The following KIF13B variants were observed in gnomAD, a reference collection of about 807,000 sequenced individuals.
KIF13B encodes kinesin-like protein KIF13B.
A neutral mutation model predicts 222.0 loss-of-function variants in KIF13B; 127 were observed. The ratio of observed to expected loss-of-function variants is 0.57; its 90% CI spans 0.50 to 0.66. The LOEUF is 0.66. Among genes scored for constraint, KIF13B ranks in the 30% least tolerant of loss-of-function variants. The pLI is 0.00. For synonymous variants in KIF13B, 976 were observed against 919.0 expected, an observed-to-expected ratio of 1.06 and a Z score of -1.12; for missense variants, 2,173 against 2,379.0, an observed-to-expected ratio of 0.91 and a Z score of 1.80.
rs189406805 is a variant in KIF13B at position 29,139,199 on chromosome 8, C to T, written c.2613+864G>A. On this transcript the variant is annotated intron_variant, in intron 21 of 39. Transcript: ENST00000524189. ...TCCATTAAAAAACATGGTATTTTAA[C>T]CTCATTTTAGGAAGCCCATATGACT... 8.7e-4 allele frequency among the ~76,000 whole-genome samples: 132 copies of T among 152,154 alleles called. 1 individual carries two copies. Among genetic ancestry groups the T allele is most frequent in the Middle Eastern group, 3.4e-3 (1 of 294 alleles).
At chr8:29,193,944 A>T (rs1437175892) in intron 3 of KIF13B, among the ~76,000 whole-genome samples, 1 of 149,968 alleles carries the variant, frequency 6.7e-6, no homozygotes, top group Non-Finnish European at 1.5e-5. Flanking sequence ...CAGCCTCCTG[A>T]GTAGCTGGGA....
At chr8:29,217,107 T>C (rs1814519497) in intron 2 of KIF13B, among the ~76,000 whole-genome samples, 1 of 152,206 alleles carries the variant, frequency 6.6e-6, no homozygotes, top group South Asian at 2.1e-4. Flanking sequence ...TAGTAGAGGA[T>C]ACGTGAACTA....
At chr8:29,155,633 C>A in intron 14 of KIF13B, 93 bp downstream of exon 14, 2 of 1,113,988 alleles carry the variant, frequency 1.8e-6, no homozygotes, top group Non-Finnish European at 2.6e-6. Flanking sequence ...TTAATGTGGT[C>A]AACTTAAAAG....
At chr8:29,103,139 G>A (rs1297685291) in intron 35 of KIF13B, among the ~76,000 whole-genome samples, 2 of 151,804 alleles carry the variant, frequency 1.3e-5, no homozygotes, top group Non-Finnish European at 2.9e-5. Context: ...CTACTCGGGA[G>A]GCTGAGGCAG....
intron 12 of KIF13B, among the ~76,000 whole-genome samples, chr8:29,165,045 G>C (rs1414589284): frequency 6.6e-6 from 1 of 152,082 alleles, no homozygotes; most frequent in East Asian, 1.9e-4. Context: ...ACAGGGTTTT[G>C]ACATGTTAGC....
intron 1 of KIF13B, among the ~76,000 whole-genome samples, chr8:29,257,267 C>G (rs1023320189): frequency 6.6e-6 from 1 of 152,004 alleles, no homozygotes; most frequent in Admixed American, 6.6e-5. Flanking sequence ...CATGGACTTG[C>G]ATGGAGTGGA....
chr8:29,171,756 C>CT (rs1812249897), intron 10 of KIF13B, among the ~76,000 whole-genome samples: 2 of 138,380 alleles, frequency 1.4e-5, no homozygotes, highest in Non-Finnish European at 3.1e-5. Context: ...ATTTTTTTTT[C>CT]TTCTTTTTTT....
intron 12 of KIF13B, 119 bp downstream of exon 12, chr8:29,165,543 G>A: frequency 1.6e-6 from 1 of 634,240 alleles, no homozygotes; most frequent in South Asian, 2.1e-5. Context: ...GATTCCTAAT[G>A]ATAGTGTGAG....
intron 21 of KIF13B, among the ~76,000 whole-genome samples, chr8:29,136,800 T>G (rs1192514194): frequency 1.4e-5 from 2 of 143,678 alleles, no homozygotes; most frequent in Admixed American, 1.4e-4. Flanking sequence ...AACAGGTTTT[T>G]TTTTTTTTTT....
intron 28 of KIF13B, 128 bp downstream of exon 28, chr8:29,123,238 T>C (rs1809955096): frequency 1.0e-5 from 11 of 1,050,184 alleles, no homozygotes; most frequent in Non-Finnish European, 1.3e-5. Flanking sequence ...ACAGTTCCTT[T>C]AATTTAAACA....
Position 29,072,335 on chromosome 8 carries a change from G to T in KIF13B, c.4522-19C>A. 2 of 1,386,300 alleles carry T rather than the reference G, an allele frequency of 1.4e-6. No homozygotes were observed. Among genetic ancestry groups the T allele is most frequent in the Non-Finnish European group, 9.4e-7 (1 of 1,064,116 alleles). The allele number at this position is 1,386,300 out of a possible 1,614,324, so 85.9% of individuals were successfully genotyped here. ...GCTGAGCCTGCAGCAGGACGGGGAAGCAGGGGCTGAGAACAGAAAACTTTC... is the reference window on the plus strand; with the variant it reads ...GCTGAGCCTGCAGCAGGACGGGGAATCAGGGGCTGAGAACAGAAAACTTTC... On this transcript the variant is annotated intron_variant, in intron 38 of 39. Coordinates refer to ENST00000524189, the MANE Select transcript of KIF13B (RefSeq NM_015254.4).
chr8:29,195,941 G>C (rs1813399000), intron 3 of KIF13B, among the ~76,000 whole-genome samples: 1 of 152,242 alleles, frequency 6.6e-6, no homozygotes, highest in African/African-American at 2.4e-5. Flanking sequence ...TGGCACAAAA[G>C]GAATCTGTGT....
rs1160387859 is a variant in KIF13B at position 29,134,125 on chromosome 8, G to A, written c.2699C>T (p.Pro900Leu). The change falls in exon 22 of 40, where the codon CCG becomes CTG. Residue 900 changes from proline (P) to leucine (L), a missense_variant. Transcript: ENST00000524189. ...GTCCACTTCAGGAGCGACAATCACC[G>A]GCTCCTGTTGATCCCAGAAGCTGTA... is the stretch of plus-strand genomic sequence containing the variant. ...CKYSFWDQQE[P>L]VIVAPEVDTS... 10 of 1,613,540 alleles carry A rather than the reference G, an allele frequency of 6.2e-6. No homozygotes were observed. Among genetic ancestry groups the A allele is most frequent in the Middle Eastern group, 1.6e-4 (1 of 6,082 alleles).
intron 29 of KIF13B, among the ~76,000 whole-genome samples, chr8:29,121,964 T>G (rs1809879933): frequency 6.6e-6 from 1 of 152,114 alleles, no homozygotes; most frequent in Admixed American, 6.5e-5. Flanking sequence ...CCCCAAGAGT[T>G]AAAGAAGAAG....
At chr8:29,179,432 C>T (rs1271180703) in intron 8 of KIF13B, among the ~76,000 whole-genome samples, 1 of 152,224 alleles carries the variant, frequency 6.6e-6, no homozygotes, top group African/African-American at 2.4e-5. Flanking sequence ...AGAGCATTAC[C>T]ATTGGCTCAC....
At position 29,140,724 on chromosome 8, in the gene KIF13B, A is replaced by G. The variant is rs191014688; in HGVS notation, c.2335-107T>C. On this transcript the variant is annotated intron_variant, in intron 19 of 39. Coordinates refer to ENST00000524189, the MANE Select transcript of KIF13B (RefSeq NM_015254.4). Reference sequence around the variant, plus strand: ...TAGGTTATTAAACTTAACTTTCATCATCCTAACTCTTGTATTTTTTAGAGT... The same window carrying G: ...TAGGTTATTAAACTTAACTTTCATCGTCCTAACTCTTGTATTTTTTAGAGT... The G allele has an allele frequency of 4.1e-4, 411 of 1,011,946 alleles. 2 individuals are homozygous for G. The African/African-American group carries it at 6.1e-3, about 15-fold the overall frequency. 62.7% of individuals were successfully genotyped at this position (1,011,946 alleles called of 1,614,324 possible).
In KIF13B at chr8:29,071,504, G is replaced by C; in HGVS notation, c.5218+116C>G. On this transcript the variant is annotated intron_variant, in intron 39 of 39. Transcript: ENST00000524189. This position sits in a 1 kb window ranked among gnomAD's most constrained non-coding sequence, Gnocchi z 4.9. Reference sequence around the variant, plus strand: ...CCGCTCCCGCAGCTTCAGCCAAGCCGCTGCCTCCCGGCCCCTCCCTCTCCT... The same window carrying C: ...CCGCTCCCGCAGCTTCAGCCAAGCCCCTGCCTCCCGGCCCCTCCCTCTCCT... 5.4e-6 allele frequency: 5 copies of C among 933,076 alleles called. No individual in the cohort carries two copies. Among genetic ancestry groups the C allele is most frequent in the Non-Finnish European group, 8.1e-6 (5 of 618,336 alleles). 57.8% of individuals were successfully genotyped at this position (933,076 alleles called of 1,614,324 possible). A position where few individuals can be genotyped will look rare whatever the true frequency, so the allele number is the denominator to read the frequency against.
At chr8:29,184,627 G>A (rs771620407) in intron 6 of KIF13B, among the ~76,000 whole-genome samples, 24 of 152,102 alleles carry the variant, frequency 1.6e-4, no homozygotes, top group Non-Finnish European at 2.4e-4. Context: ...AGTAATTACC[G>A]TAAGTAAGCT....
At chr8:29,185,204 C>A (rs73560714) in intron 6 of KIF13B, among the ~76,000 whole-genome samples, 1 of 152,276 alleles carries the variant, frequency 6.6e-6, no homozygotes, top group African/African-American at 2.4e-5. Flanking sequence ...TTGTTCCCTA[C>A]ACCTGAGTAG....
Sources: gnomAD v4.1 joint callset for allele counts (sites outside exome capture counted in the v4.1 genomes callset) on GRCh38, gnomAD v4.1.1 for gene constraint, Gnocchi (gnomAD v3.1) non-coding constraint, MANE v1.5 for transcripts, NCBI Gene and HGNC (gene_info 2026-07-23, HGNC 2026-07-21) for gene names.